Variants in DST observed in about 807,000 individuals in gnomAD.
The protein encoded by DST is bullous pemphigoid antigen.
DST carries 253 observed loss-of-function variants against 875.2 expected under a neutral mutation model. The observed-to-expected ratio is 0.29, with a 90% CI of 0.26 to 0.32. The LOEUF (loss-of-function observed/expected upper bound fraction) is 0.32. DST is among the 10% of genes least tolerant of loss of function. The pLI is 1.00. For missense variants in DST, 8,287 were observed against 9,111.6 expected, an observed-to-expected ratio of 0.91 and a Z score of 3.68; for synonymous variants, 3,124 against 3,197.1, an observed-to-expected ratio of 0.98 and a Z score of 0.77.
chr6:56,916,739 TTCTCTCTCTCTCTA>T (rs1801137396), intron 2 of DST, among the ~76,000 whole-genome samples: 1 of 111,480 alleles, frequency 9.0e-6, no homozygotes, highest in African/African-American at 3.8e-5. Flanking sequence ...AGACAAGATC[TTCTCTCTCTCTCTA>T]TCTCTCTCTC....
intron 4 of DST, among the ~76,000 whole-genome samples, chr6:56,839,241 A>T (rs1413634943): frequency 6.6e-6 from 1 of 152,216 alleles, no homozygotes; most frequent in African/African-American, 2.4e-5. Flanking sequence ...CTGAGTCCCT[A>T]CTGGCAAATG....
At chr6:56,635,539 A>G (rs1312359986) in intron 24 of DST, 50 bp downstream of exon 24, 4 of 1,589,880 alleles carry the variant, frequency 2.5e-6, no homozygotes, top group Non-Finnish European at 3.4e-6. Context: ...TAAAACACTA[A>G]TCTAATCACT....
chr6:56,569,802 A>C (rs1270952649), intron 54 of DST, 54 bp downstream of exon 54: 2 of 1,489,272 alleles, frequency 1.3e-6, no homozygotes, highest in African/African-American at 1.4e-5. Flanking sequence ...TTAGTCTTTT[A>C]ATCTTTCATT....
intron 4 of DST, among the ~76,000 whole-genome samples, chr6:56,769,949 GA>G (rs1274904359): frequency 6.6e-6 from 1 of 152,202 alleles, no homozygotes; most frequent in African/African-American, 2.4e-5. Flanking sequence ...ACTAAAAGTA[GA>G]AATAAAATAT....
chr6:56,558,842 C>T (rs1428599311), intron 58 of DST, among the ~76,000 whole-genome samples: 1 of 152,090 alleles, frequency 6.6e-6, no homozygotes, highest in East Asian at 1.9e-4. Flanking sequence ...GGTCCTGTGC[C>T]TGAGATGCTA....
chr6:56,581,164 CAA>C, intron 49 of DST, among the ~76,000 whole-genome samples: 1 of 149,196 alleles, frequency 6.7e-6, no homozygotes. Flanking sequence ...AAGGAAACAG[CAA>C]AAACTGGAAA....
intron 9 of DST, among the ~76,000 whole-genome samples, chr6:56,687,278 G>A (rs972400349): frequency 1.3e-5 from 2 of 152,272 alleles, no homozygotes; most frequent in African/African-American, 4.8e-5. Flanking sequence ...GTAGGTATTA[G>A]TAAGAATGAA....
In DST at chr6:56,739,876, G is replaced by A. The variant is rs1589440848; in HGVS notation, c.626-4587C>T. ...CATCAAGAAATAACCACAAAAATGA[G>A]CAACCAGCAGCCCTCAGGGCTGCTA... On this transcript the variant is annotated intron_variant, in intron 4 of 103. Transcript: ENST00000680361. 2.0e-5 allele frequency among the ~76,000 whole-genome samples: 3 copies of A among 152,196 alleles called. 1 individual carries two copies. Among genetic ancestry groups the A allele is most frequent in the Middle Eastern group, 3.4e-3 (1 of 294 alleles).
At chr6:56,669,492 A>T (rs1025436005) in intron 10 of DST, among the ~76,000 whole-genome samples, 1 of 151,290 alleles carries the variant, frequency 6.6e-6, no homozygotes, top group Non-Finnish European at 1.5e-5. Flanking sequence ...GCTTCTCAGG[A>T]GGCTGAGGCA....
chr6:56,561,603 A>G, intron 56 of DST, 54 bp from the exon 57 acceptor site: 1 of 1,537,220 alleles, frequency 6.5e-7, no homozygotes, highest in East Asian at 2.3e-5. Context: ...TTTGGAGCAG[A>G]GGTCTAGAAA....
At chr6:56,797,366 G>C (rs1227608246) in intron 4 of DST, among the ~76,000 whole-genome samples, 5 of 152,128 alleles carry the variant, frequency 3.3e-5, no homozygotes, top group South Asian at 2.1e-4. Context: ...GGGCCTCTAT[G>C]TGTTCAAGTG....
chr6:56,925,110 C>T (rs1363366906), intron 2 of DST, among the ~76,000 whole-genome samples: 1 of 152,114 alleles, frequency 6.6e-6, no homozygotes, highest in Non-Finnish European at 1.5e-5. Flanking sequence ...ATCCATATCA[C>T]AAATGCTTGC....
intron 4 of DST, among the ~76,000 whole-genome samples, chr6:56,819,937 C>A (rs2099771121): frequency 1.3e-5 from 2 of 152,148 alleles, no homozygotes; most frequent in Non-Finnish European, 2.9e-5. Context: ...AAATAAAACT[C>A]AAATAAAATC....
intron 4 of DST, among the ~76,000 whole-genome samples, chr6:56,739,789 G>A (rs950918984): frequency 6.6e-6 from 1 of 152,156 alleles, no homozygotes; most frequent in Non-Finnish European, 1.5e-5. Context: ...GCAATGTCAG[G>A]AAGCTACCCT....
intron 4 of DST, among the ~76,000 whole-genome samples, chr6:56,797,818 CAAAA>C (rs34649685): frequency 3.3e-5 from 2 of 60,810 alleles, no homozygotes; most frequent in African/African-American, 1.2e-4. Flanking sequence ...AACTCCGTCT[CAAAA>C]AAAAAAAAAA....
chr6:56,516,088 G>GTA (rs751612868), intron 71 of DST, among the ~76,000 whole-genome samples: 4 of 150,328 alleles, frequency 2.7e-5, no homozygotes, highest in East Asian at 1.9e-4. Context: ...GTGTATATGT[G>GTA]TATATATATG....
chr6:56,729,973 G>A (rs2099490551), intron 5 of DST, among the ~76,000 whole-genome samples: 1 of 152,172 alleles, frequency 6.6e-6, no homozygotes, highest in African/African-American at 2.4e-5. Context: ...CAAACAGAGT[G>A]TGTCCAACAA....
In DST at chr6:56,592,333, T is replaced by C; in HGVS notation, c.12752A>G (p.Lys4251Arg). ...GTGTTGATATTTATCCACCAGATCT[T>C]TAAGATTATTTCCAAGAACATTGCA... is the stretch of plus-strand genomic sequence containing the variant. The part of the protein sequence containing the change: ...SKCNVLGNNL[K>R]DLVDKYQHYE... Residue 4251 changes from lysine to arginine, a missense_variant, in exon 49 of 104, where the codon AAA (lysine) becomes AGA (arginine). Coordinates refer to ENST00000680361, the MANE Select transcript of DST (RefSeq NM_001374736.1). 1 of 1,599,646 alleles carries C rather than the reference T, an allele frequency of 6.3e-7. No homozygotes were observed. Among genetic ancestry groups the C allele is most frequent in the Non-Finnish European group, 8.5e-7 (1 of 1,171,978 alleles).
chr6:56,715,207 A>G (rs930973755), intron 5 of DST, among the ~76,000 whole-genome samples: 5 of 152,172 alleles, frequency 3.3e-5, no homozygotes, highest in African/African-American at 1.2e-4. Flanking sequence ...AAATCCCATC[A>G]AATGACTTCC....
Sources: allele counts gnomAD v4.1 joint callset (sites outside exome capture counted in the v4.1 genomes callset), GRCh38; gene constraint gnomAD v4.1.1; transcripts MANE v1.5; gene names NCBI Gene and HGNC (gene_info 2026-07-23, HGNC 2026-07-21).